FNBP1: variants seen among roughly 807,000 people sequenced by gnomAD.
FNBP1 encodes formin binding protein 1, also known as formin-binding protein 1.
Under a neutral mutation model 90.6 loss-of-function variants are expected in FNBP1, and 26 were observed. The ratio of observed to expected loss-of-function variants is 0.29; its 90% CI spans 0.21 to 0.40. The LOEUF is 0.40. FNBP1 is among the 10% of genes least tolerant of loss of function. The pLI is 1.00. For missense variants in FNBP1, 635 were observed against 768.0 expected (o/e 0.83, Z 2.05); for synonymous variants, 260 against 265.2 (o/e 0.98, Z 0.19).
At chr9:130,048,210 G>A in the FNBP1 span, among the ~76,000 whole-genome samples, 1 of 148,730 alleles carries the variant, frequency 6.7e-6, no homozygotes, top group African/African-American at 2.5e-5. Context: ...CAGCTACTCA[G>A]AAGGCTGAGG....
chr9:130,012,515 A>C (rs986761744), intron 1 of FNBP1, among the ~76,000 whole-genome samples: 4 of 152,180 alleles, frequency 2.6e-5, no homozygotes, highest in Non-Finnish European at 4.4e-5. Flanking sequence ...AATATACAAA[A>C]ACTTATTCCA....
chr9:129,910,643 G>A (rs2039105446), intron 11 of FNBP1, among the ~76,000 whole-genome samples: 1 of 152,088 alleles, frequency 6.6e-6, no homozygotes. Context: ...CCCAGTTAAT[G>A]TAATTCCAGA....
chr9:129,923,314 C>A (rs1279658368), intron 10 of FNBP1, among the ~76,000 whole-genome samples: 1 of 152,072 alleles, frequency 6.6e-6, no homozygotes, highest in Non-Finnish European at 1.5e-5. Context: ...GGCGCAGTGG[C>A]TCACACCTGT....
chr9:130,007,255 A>AAAG (rs1381743696), intron 1 of FNBP1, among the ~76,000 whole-genome samples: 2 of 150,714 alleles, frequency 1.3e-5, no homozygotes, highest in Non-Finnish European at 3.0e-5. Flanking sequence ...AAAAAAAAAA[A>AAAG]AAGAAAAAAA....
chr9:130,029,897 T>C (rs1456003149), intron 1 of FNBP1, among the ~76,000 whole-genome samples: 2 of 151,928 alleles, frequency 1.3e-5, no homozygotes, highest in East Asian at 1.9e-4. Context: ...GGTAGGAGGA[T>C]TGCTTGAGCC....
chr9:129,905,294 G>GTGTATATATA (rs374989661), intron 12 of FNBP1, among the ~76,000 whole-genome samples: 3,697 of 132,284 alleles, frequency 0.028, 72 homozygotes, highest in Admixed American at 0.048. Flanking sequence ...GTGTGTGTGT[G>GTGTATATATA]TATATATATA....
chr9:129,982,590 T>A (rs1027327682), intron 2 of FNBP1, among the ~76,000 whole-genome samples: 1 of 152,126 alleles, frequency 6.6e-6, no homozygotes, highest in African/African-American at 2.4e-5. Context: ...GTGATTAGAG[T>A]ATTGGAAAAA....
In FNBP1 at chr9:129,957,430, G is replaced by T. The variant is rs748956413; in HGVS notation, c.443C>A (p.Ala148Glu). The T allele has an allele frequency of 6.2e-7, 1 of 1,613,578 alleles. No homozygotes were observed. The highest frequency in any genetic ancestry group is 8.5e-7 in the Non-Finnish European group (1 of 1,179,650). The change falls in exon 6 of 17, where the codon GCG becomes GAG. Residue 148 changes from alanine to glutamate, a missense_variant. Ala to Glu is a moderately radical substitution (Grantham distance 107). Transcript: ENST00000446176. This position sits in a 1 kb window ranked among gnomAD's most constrained non-coding sequence, Gnocchi z 4.3. ...KRRFERDCKE[A>E]DRAQQYFEKM... ...CTCAAAGTACTGCTGCGCCCTGTCCGCCTCTTTGCAATCGCGTTCAAATCG... is the reference window on the plus strand; with the variant it reads ...CTCAAAGTACTGCTGCGCCCTGTCCTCCTCTTTGCAATCGCGTTCAAATCG...
chr9:129,922,532 T>C (rs2041262265), intron 10 of FNBP1, among the ~76,000 whole-genome samples: 1 of 152,188 alleles, frequency 6.6e-6, no homozygotes, highest in Admixed American at 6.6e-5. Context: ...GAGTACTACC[T>C]GGGCTTCATA....
At chr9:129,919,212 T>G (rs2040732562) in intron 10 of FNBP1, 2 of 1,302,692 alleles carry the variant, frequency 1.5e-6, no homozygotes, top group Non-Finnish European at 2.0e-6. Flanking sequence ...GTCCTCTTCA[T>G]GAGTTCTTTG....
chr9:129,892,414 CACAA>C (rs56282507), intron 16 of FNBP1, among the ~76,000 whole-genome samples: 12 of 125,232 alleles, frequency 9.6e-5, no homozygotes, highest in Admixed American at 6.4e-4. Flanking sequence ...CACACACACA[CACAA>C]AAAGGTTGAC....
At chr9:129,894,674 G>A (rs1564245257) in intron 16 of FNBP1, among the ~76,000 whole-genome samples, 2 of 152,194 alleles carry the variant, frequency 1.3e-5, no homozygotes, top group Non-Finnish European at 2.9e-5. Context: ...CGAACCAAGT[G>A]TGAGAGGAAA....
At chr9:130,018,513 G>A (rs2057483439) in intron 1 of FNBP1, among the ~76,000 whole-genome samples, 1 of 152,112 alleles carries the variant, frequency 6.6e-6, no homozygotes, top group South Asian at 2.1e-4. Context: ...AAGACTTGGT[G>A]TGACCAATAG....
chr9:130,050,643 C>T, the FNBP1 span, among the ~76,000 whole-genome samples: 5 of 150,782 alleles, frequency 3.3e-5, no homozygotes, highest in South Asian at 2.1e-4. Flanking sequence ...CAATATCAAT[C>T]AACTCTTTTT....
At chr9:129,893,327 G>A (rs1194241436) in intron 16 of FNBP1, among the ~76,000 whole-genome samples, 2 of 151,784 alleles carry the variant, frequency 1.3e-5, no homozygotes, top group Non-Finnish European at 2.9e-5. Flanking sequence ...ATTTGGGCCT[G>A]GCACGGTGGC....
chr9:129,986,478 A>G (rs1181233948), intron 2 of FNBP1, among the ~76,000 whole-genome samples: 1 of 152,158 alleles, frequency 6.6e-6, no homozygotes, highest in African/African-American at 2.4e-5. Flanking sequence ...CATAATGTGA[A>G]AACAATCAGA....
chr9:129,920,099 C>T (rs1367300816), intron 10 of FNBP1, among the ~76,000 whole-genome samples: 1 of 152,134 alleles, frequency 6.6e-6, no homozygotes, highest in African/African-American at 2.4e-5. Flanking sequence ...TATTTCTTTA[C>T]GATTGCTTCT....
chr9:129,986,525 C>T (rs978406597), intron 2 of FNBP1, among the ~76,000 whole-genome samples: 1 of 152,134 alleles, frequency 6.6e-6, no homozygotes, highest in Admixed American at 6.5e-5. Context: ...GGCGTGGTGG[C>T]TCACGCCTGT....
At chr9:129,917,141 T>A (rs770220927) in intron 10 of FNBP1, among the ~76,000 whole-genome samples, 1 of 152,078 alleles carries the variant, frequency 6.6e-6, no homozygotes, top group Non-Finnish European at 1.5e-5. Flanking sequence ...GCCTCCTGAG[T>A]AGCTGGGATT....
Sources: gnomAD v4.1 joint callset for allele counts (sites outside exome capture counted in the v4.1 genomes callset) on GRCh38, gnomAD v4.1.1 for gene constraint, Gnocchi (gnomAD v3.1) non-coding constraint, MANE v1.5 for transcripts, NCBI Gene and HGNC (gene_info 2026-07-23, HGNC 2026-07-21) for gene names.